The following NRP1 variants were observed in gnomAD, a reference collection of about 807,000 sequenced individuals.
The protein encoded by NRP1 is neuropilin-1.
In NRP1, 35 loss-of-function variants were observed where a neutral mutation model predicts 106.7. The ratio of observed to expected loss-of-function variants is 0.33; its 90% CI spans 0.25 to 0.43. NRP1 has a LOEUF of 0.43. Ranked by LOEUF, NRP1 falls within the 20% of genes least tolerant of loss-of-function variation. The pLI, the probability that NRP1 is intolerant of heterozygous loss-of-function variation, is 1.00. For synonymous variants in NRP1, 437 were observed against 417.9 expected (o/e 1.05, Z -0.56); for missense variants, 1,024 against 1,170.4 (o/e 0.87, Z 1.83).
intron 6 of NRP1, among the ~76,000 whole-genome samples, chr10:33,231,825 T>C (rs78416136): frequency 0.079 from 12,008 of 152,106 alleles, 758 homozygotes; most frequent in African/African-American, 0.17. Context: ...TAGGAGCTTG[T>C]GAGTGGACAC....
At chr10:33,248,910 C>T (rs1841625649) in intron 6 of NRP1, among the ~76,000 whole-genome samples, 1 of 152,078 alleles carries the variant, frequency 6.6e-6, no homozygotes, top group Non-Finnish European at 1.5e-5. Flanking sequence ...TCTAGTACCA[C>T]AATTTTTTTC....
intron 2 of NRP1, among the ~76,000 whole-genome samples, chr10:33,320,118 G>A (rs1400334520): frequency 6.6e-6 from 1 of 151,664 alleles, no homozygotes; most frequent in African/African-American, 2.4e-5. Context: ...TTTGAGACCA[G>A]CCTGACCAAC....
At chr10:33,205,827 A>G (rs972818765) in intron 10 of NRP1, 1 of 183,096 alleles carries the variant, frequency 5.5e-6, no homozygotes, top group Non-Finnish European at 1.2e-5. Context: ...CTAAACCATA[A>G]TTTCATTTTT....
At chr10:33,275,595 CA>C (rs895571805) in intron 2 of NRP1, among the ~76,000 whole-genome samples, 26 of 141,932 alleles carry the variant, frequency 1.8e-4, no homozygotes, top group East Asian at 8.2e-4. Context: ...CAACACCAAC[CA>C]AAAAAAAAAA....
At chr10:33,319,002 C>CTTTTTTTTTTT (rs36010472) in intron 2 of NRP1, among the ~76,000 whole-genome samples, 3 of 90,764 alleles carry the variant, frequency 3.3e-5, no homozygotes, top group Non-Finnish European at 6.9e-5. Context: ...TCTTTTCTTT[C>CTTTTTTTTTTT]TTTTTTTTTT....
intron 2 of NRP1, among the ~76,000 whole-genome samples, chr10:33,276,119 C>T (rs929316806): frequency 6.6e-6 from 1 of 152,108 alleles, no homozygotes; most frequent in Non-Finnish European, 1.5e-5. Flanking sequence ...ACATTATGTT[C>T]CTTATTCATT....
intron 9 of NRP1, chr10:33,213,139 G>T: frequency 9.4e-7 from 1 of 1,066,904 alleles, no homozygotes; most frequent in Non-Finnish European, 1.3e-6. Context: ...ATGTTGAGCT[G>T]TCTGTCCATC....
intron 3 of NRP1, among the ~76,000 whole-genome samples, chr10:33,269,315 C>G (rs929324157): frequency 4.6e-5 from 7 of 152,162 alleles, no homozygotes; most frequent in Non-Finnish European, 7.3e-5. Context: ...TATTTAGAGA[C>G]AGGGTCTTGC....
chr10:33,224,300 A>C (rs1839486284), intron 7 of NRP1, among the ~76,000 whole-genome samples: 1 of 152,106 alleles, frequency 6.6e-6, no homozygotes, highest in Non-Finnish European at 1.5e-5. Context: ...ACACCCCTGT[A>C]ATCTGTGGGT....
At chr10:33,198,219 A>G (rs1002677034) in intron 11 of NRP1, among the ~76,000 whole-genome samples, 97 of 149,396 alleles carry the variant, frequency 6.5e-4, no homozygotes, top group African/African-American at 2.3e-3. Context: ...TCGGCTCACT[A>G]CAACCTCCGC....
chr10:33,290,262 T>C (rs1453508352), intron 2 of NRP1, among the ~76,000 whole-genome samples: 2 of 152,178 alleles, frequency 1.3e-5, no homozygotes, highest in Non-Finnish European at 2.9e-5. Flanking sequence ...ATAAAAAGTT[T>C]CCAAATCTGT....
At chr10:33,320,195 C>T (rs1302423444) in intron 2 of NRP1, among the ~76,000 whole-genome samples, 22 of 151,928 alleles carry the variant, frequency 1.4e-4, no homozygotes, top group African/African-American at 5.1e-4. Flanking sequence ...TGCCTGTAGT[C>T]CCAGCTACTT....
chr10:33,286,764 A>G (rs1844595372), intron 2 of NRP1, among the ~76,000 whole-genome samples: 1 of 152,156 alleles, frequency 6.6e-6, no homozygotes, highest in Non-Finnish European at 1.5e-5. Context: ...GACTATTTTT[A>G]TAGCTGTTTA....
At chr10:33,279,813 G>A (rs764063738) in intron 2 of NRP1, among the ~76,000 whole-genome samples, 11 of 152,182 alleles carry the variant, frequency 7.2e-5, no homozygotes, top group Non-Finnish European at 1.6e-4. Flanking sequence ...TTCTGATACA[G>A]CAAAGGGTAG....
chr10:33,182,863 G>A (rs936038510), intron 15 of NRP1, 115 bp from the exon 16 acceptor site: 32 of 623,268 alleles, frequency 5.1e-5, no homozygotes, highest in African/African-American at 8.3e-5. Flanking sequence ...ACACACACAC[G>A]TGTCTACTGG....
intron 6 of NRP1, among the ~76,000 whole-genome samples, chr10:33,249,151 A>T (rs1841661918): frequency 8.9e-6 from 1 of 111,780 alleles, no homozygotes. Context: ...AGTTATTTTG[A>T]GGAAAGCACT....
At chr10:33,213,863 C>A in intron 8 of NRP1, 146 bp from the exon 9 acceptor site, 1 of 692,318 alleles carries the variant, frequency 1.4e-6, no homozygotes, top group Non-Finnish European at 2.3e-6. Context: ...TACAGTAAAT[C>A]TTTCCTCCCT....
chr10:33,229,720 A>G (rs1839953115), intron 6 of NRP1, among the ~76,000 whole-genome samples: 1 of 152,166 alleles, frequency 6.6e-6, no homozygotes. Context: ...AACAGCTGAC[A>G]TCAGAGGAAG....
intron 2 of NRP1, among the ~76,000 whole-genome samples, chr10:33,286,218 T>A (rs1350188400): frequency 1.3e-5 from 2 of 152,186 alleles, no homozygotes; most frequent in African/African-American, 4.8e-5. Context: ...AGAAACGGCT[T>A]CTCTAATTGC....
Sources: allele counts gnomAD v4.1 joint callset (sites outside exome capture counted in the v4.1 genomes callset), GRCh38; gene constraint gnomAD v4.1.1; transcripts MANE v1.5; gene names NCBI Gene and HGNC (gene_info 2026-07-23, HGNC 2026-07-21).